Variants in DIPK1C observed in about 807,000 individuals in gnomAD.
DIPK1C encodes the protein familial non-conventional Alzheimer's dementia.
A neutral mutation model predicts 28.0 loss-of-function variants in DIPK1C; 33 were observed. The ratio of observed to expected loss-of-function variants is 1.18; its 90% confidence interval spans 0.89 to 1.58. DIPK1C has a LOEUF of 1.58. Among genes scored for constraint, DIPK1C ranks in the 40% most tolerant of loss-of-function variants. The pLI is 0.00. For synonymous variants in DIPK1C, 255 were observed against 248.8 expected (o/e 1.02, Z -0.23); for missense variants, 569 against 568.5 (o/e 1.00, Z -0.01).
In DIPK1C at chr18:74,436,716, T is replaced by C; in HGVS notation, c.1045A>G (p.Ile349Val). Residue 349 changes from isoleucine (I) to valine (V), a missense_variant, in exon 4 of 4, where the codon ATC becomes GTC. Physicochemically the swap from Ile to Val is conservative, Grantham distance 29. Coordinates refer to ENST00000343998, the MANE Select transcript of DIPK1C (RefSeq NM_001044369.3). The stretch of plus-strand genomic sequence containing the variant: ...CAATGGCGAAATATTTTGTCACAGA[T>C]GACCTGAGGGAAAGAAGGGTGGACA... ...AQRVNNNLQV[I>V]CDKIFRHWFS... The C allele has an allele frequency of 3.1e-6, 5 of 1,610,904 alleles. No individual in the cohort carries two copies. Among genetic ancestry groups the C allele is most frequent in the Non-Finnish European group, 4.2e-6 (5 of 1,178,426 alleles).
chr18:74,453,808 G>A (rs530335861), intron 1 of DIPK1C, among the ~76,000 whole-genome samples: 51 of 152,300 alleles, frequency 3.3e-4, no homozygotes, highest in African/African-American at 1.2e-3. Context: ...GTGTGAAGCA[G>A]GGCAAGTCAC....
Position 74,447,966 on chromosome 18 carries a change from G to A in DIPK1C, c.199-683C>T, listed in dbSNP as rs1216457384. Among the ~76,000 whole-genome samples the A allele has an allele frequency of 1.3e-5, 2 of 152,182 alleles. No individual in the cohort carries two copies. Among genetic ancestry groups the A allele is most frequent in the East Asian group, 1.9e-4 (1 of 5,172 alleles). ...CCCATGCAGGATAAAAGAGTAGGGA[G>A]TGTTTGCATCTGAGCGGCGGTGAGC... On this transcript the variant is annotated intron_variant, in intron 1 of 3. Transcript: ENST00000343998. This position sits in a 1 kb window ranked among gnomAD's most constrained non-coding sequence, Gnocchi z 4.1.
upstream of DIPK1C, among the ~76,000 whole-genome samples, chr18:74,461,584 G>T (rs1358528681): frequency 2.6e-5 from 4 of 152,060 alleles, no homozygotes; most frequent in Admixed American, 2.0e-4. Context: ...GTCCAGGCTG[G>T]TCTCAAACTC....
chr18:74,463,413 T>A, the DIPK1C span, among the ~76,000 whole-genome samples: 1 of 152,198 alleles, frequency 6.6e-6, no homozygotes, highest in Admixed American at 6.5e-5. Context: ...CCACCCACAG[T>A]TGCACTGCAT....
At chr18:74,457,483 C>T (rs1954787358), upstream of DIPK1C, among the ~76,000 whole-genome samples, 1 of 152,098 alleles carries the variant, frequency 6.6e-6, no homozygotes, top group Non-Finnish European at 1.5e-5. Context: ...CCACTCGCCG[C>T]ATCCCCTGCT....
upstream of DIPK1C, among the ~76,000 whole-genome samples, chr18:74,458,335 C>T (rs1986564345): frequency 6.6e-6 from 1 of 152,202 alleles, no homozygotes; most frequent in Non-Finnish European, 1.5e-5. Flanking sequence ...GGATCGCTCT[C>T]CCGCCTGCCC....
At chr18:74,442,559 G>A (rs893086759) in intron 2 of DIPK1C, among the ~76,000 whole-genome samples, 1 of 152,154 alleles carries the variant, frequency 6.6e-6, no homozygotes, top group Non-Finnish European at 1.5e-5. Flanking sequence ...TCGATCTCCT[G>A]ACCTCCTGAT....
chr18:74,456,136 C>T (rs566193942), intron 1 of DIPK1C, among the ~76,000 whole-genome samples: 2 of 152,310 alleles, frequency 1.3e-5, no homozygotes, highest in African/African-American at 4.8e-5. Context: ...TGAATAATCG[C>T]TTAAGAAGTC....
chr18:74,447,008 A>G lies in DIPK1C; in HGVS notation c.474T>C (p.Ala158=), dbSNP rs926575029. 31 of 1,539,616 alleles carry G rather than the reference A, an allele frequency of 2.0e-5. No individual in the cohort carries two copies. Among genetic ancestry groups the G allele is most frequent in the Non-Finnish European group, 2.7e-5 (31 of 1,139,670 alleles). ...TGCTGTTGGACAACTCCAGGCCCAG[A>G]GCGCTCTTGACCTCCCCAGCCACCA... ...LLMVAGEVKS[A]LGLELSNSSL... The change falls in exon 2 of 4, where the codon GCT becomes GCC. Residue 158 remains alanine, a synonymous_variant. Coordinates refer to ENST00000343998, the MANE Select transcript of DIPK1C (RefSeq NM_001044369.3). This position sits in a 1 kb window ranked among gnomAD's most constrained non-coding sequence, Gnocchi z 4.1.
chr18:74,439,944 CTTTT>C (rs11350643), intron 3 of DIPK1C, among the ~76,000 whole-genome samples: 3 of 129,626 alleles, frequency 2.3e-5, no homozygotes, highest in East Asian at 2.5e-4. Flanking sequence ...GGATCGTATA[CTTTT>C]TTTTTTTTTT....
rs1568259937 is a variant in DIPK1C at position 74,436,001 on chromosome 18, CCACA to C, written c.*496_*499del. Reference sequence around the variant, plus strand: ...CATACTCATACTCCTCATGAGCACACCACACTCACCTGTGCACACTCACCTGTGC... The same window carrying C: ...CATACTCATACTCCTCATGAGCACACCTCACCTGTGCACACTCACCTGTGC... On this transcript the variant is annotated 3_prime_UTR_variant, in exon 4 of 4. Coordinates refer to ENST00000343998, the MANE Select transcript of DIPK1C (RefSeq NM_001044369.3). 1 of 174,192 alleles carries C rather than the reference CCACA, an allele frequency of 5.7e-6. No homozygotes were observed. Among genetic ancestry groups the C allele is most frequent in the African/African-American group, 2.4e-5 (1 of 41,892 alleles). The allele number at this position is 174,192 out of a possible 1,614,324, so 10.8% of individuals were successfully genotyped here. A position where few individuals can be genotyped will look rare whatever the true frequency, so the allele number is the denominator to read the frequency against.
Position 74,446,668 on chromosome 18 carries a change from A to C in DIPK1C, c.814T>G (p.Ser272Ala). The C allele has an allele frequency of 6.6e-7, 1 of 1,511,336 alleles. No homozygotes were observed. Among genetic ancestry groups the C allele is most frequent in the Non-Finnish European group, 8.9e-7 (1 of 1,128,344 alleles). The allele number at this position is 1,511,336 out of a possible 1,614,324, so 93.6% of individuals were successfully genotyped here. ...ATGTCGCAGAGGTGGAGGCGGTGGG[A>C]AAAGTCACTGTCAAAATGGTTCACC... Reference protein sequence around the residue: ...DMVNHFDSDFSHRLHLCDIKP... With the variant: ...DMVNHFDSDFAHRLHLCDIKP... The change falls in exon 2 of 4, where the codon TCC becomes GCC. Residue 272 changes from serine to alanine, a missense_variant. By Grantham distance (99) the Ser-to-Ala change is moderately conservative (BLOSUM62 1). Coordinates refer to ENST00000343998, the MANE Select transcript of DIPK1C (RefSeq NM_001044369.3).
At chr18:74,446,431 G>A (rs541898035) in intron 2 of DIPK1C, among the ~76,000 whole-genome samples, 175 bp downstream of exon 2, 3 of 152,206 alleles carry the variant, frequency 2.0e-5, no homozygotes, top group Non-Finnish European at 4.4e-5. Flanking sequence ...AGATGCATCT[G>A]TTCCTTACTA....
intron 1 of DIPK1C, among the ~76,000 whole-genome samples, chr18:74,453,396 G>T (rs146355854): frequency 6.6e-6 from 1 of 152,194 alleles, no homozygotes; most frequent in African/African-American, 2.4e-5. Context: ...CTGTGTAACC[G>T]CTCCCTACTT....
In DIPK1C at chr18:74,441,995, C is replaced by T. The variant is rs1233656178; in HGVS notation, c.998G>A (p.Arg333Gln). Reference protein sequence around the residue: ...FFDCFSRCDLRVNKCGAQRVN... With the variant: ...FFDCFSRCDLQVNKCGAQRVN... ...GCGCTGCGCTCCGCATTTGTTGACTCGTAAATCACATCTTGAAAAACAGTC... is the reference window on the plus strand; with the variant it reads ...GCGCTGCGCTCCGCATTTGTTGACTTGTAAATCACATCTTGAAAAACAGTC... Residue 333 changes from arginine (R) to glutamine (Q), a missense_variant, in exon 3 of 4, where the codon CGA (arginine) becomes CAA (glutamine). By Grantham distance (43) the Arg-to-Gln change is conservative. Transcript: ENST00000343998. The T allele has an allele frequency of 5.6e-6, 9 of 1,614,150 alleles. No individual in the cohort carries two copies. Among genetic ancestry groups the T allele is most frequent in the Middle Eastern group, 1.6e-4 (1 of 6,062 alleles).
chr18:74,457,807 T>G (rs1434686397), upstream of DIPK1C: 1 of 141,596 alleles, frequency 7.1e-6, no homozygotes, highest in East Asian at 2.4e-4. Flanking sequence ...CTCCCGGGAG[T>G]GAGATCCGGA....
chr18:74,462,853 A>G (rs1439350465), upstream of DIPK1C, among the ~76,000 whole-genome samples: 1 of 152,160 alleles, frequency 6.6e-6, no homozygotes, highest in Non-Finnish European at 1.5e-5. Context: ...CCCTGTGAAG[A>G]GTCATAGCTT....
rs11350643 is a variant in DIPK1C at position 74,439,944 on chromosome 18, C to CT, written c.1041+2007dup. Among the ~76,000 whole-genome samples the CT allele has an allele frequency of 4.5e-3, 585 of 129,618 alleles. 4 individuals carry two copies. The highest frequency in any genetic ancestry group is 0.011 in the African/African-American group (389 of 34,766). 85.0% of individuals were successfully genotyped at this position (129,618 alleles called of 152,430 possible). A position where few individuals can be genotyped will look rare whatever the true frequency, so the allele number is the denominator to read the frequency against. ...ATTTTGGTATATAAGGGATCGTATACTTTTTTTTTTTTTTTTTTGAGACGG... is the reference window on the plus strand; with the variant it reads ...ATTTTGGTATATAAGGGATCGTATACTTTTTTTTTTTTTTTTTTTGAGACGG... On this transcript the variant is annotated intron_variant, in intron 3 of 3. Coordinates refer to ENST00000343998, the MANE Select transcript of DIPK1C (RefSeq NM_001044369.3).
chr18:74,440,768 G>C (rs1986104659), intron 3 of DIPK1C, among the ~76,000 whole-genome samples: 2 of 152,220 alleles, frequency 1.3e-5, no homozygotes. Flanking sequence ...TGAGGGTTGG[G>C]ATCGCAAGGC....
Sources: allele counts gnomAD v4.1 joint callset (sites outside exome capture counted in the v4.1 genomes callset), GRCh38; gene constraint gnomAD v4.1.1; non-coding constraint Gnocchi (gnomAD v3.1); transcripts MANE v1.5; gene names NCBI Gene and HGNC (gene_info 2026-07-23, HGNC 2026-07-21).